Variants in RPA1 observed in about 807,000 individuals in gnomAD.
The protein encoded by RPA1 is replication protein A1.
RPA1 carries 49 observed loss-of-function variants against 83.0 expected under a neutral mutation model. The observed-to-expected ratio is 0.59, with a 90% CI of 0.47 to 0.75. The LOEUF is 0.75. Ranked by LOEUF, RPA1 falls within the 30% of genes least tolerant of loss-of-function variation. The pLI is 0.00. For synonymous variants in RPA1, 279 were observed against 281.8 expected (o/e 0.99, Z 0.10); for missense variants, 693 against 776.1 (o/e 0.89, Z 1.27).
chr17:1,843,368 C>G (rs112329961), intron 2 of RPA1, among the ~76,000 whole-genome samples: 13 of 151,818 alleles, frequency 8.6e-5, no homozygotes, highest in Admixed American at 6.6e-4. Context: ...CGCCGTGGGT[C>G]AGCTTGGGGC....
intron 5 of RPA1, among the ~76,000 whole-genome samples, chr17:1,871,330 G>A (rs888822844): frequency 3.3e-5 from 5 of 152,058 alleles, no homozygotes; most frequent in African/African-American, 1.2e-4. Flanking sequence ...ATTTAGTTGT[G>A]CCAGTTAAGA....
At chr17:1,865,576 C>A (rs917921326) in intron 5 of RPA1, among the ~76,000 whole-genome samples, 2 of 151,976 alleles carry the variant, frequency 1.3e-5, no homozygotes, top group East Asian at 3.9e-4. Context: ...TTATAGCTAC[C>A]GAATTGTGTG....
At chr17:1,851,568 T>G (rs778680404) in intron 4 of RPA1, among the ~76,000 whole-genome samples, 4 of 152,238 alleles carry the variant, frequency 2.6e-5, no homozygotes, top group South Asian at 4.1e-4. Context: ...GCTGCTAGGT[T>G]CATCTTGCTG....
intron 15 of RPA1, among the ~76,000 whole-genome samples, chr17:1,893,826 C>T (rs983034463): frequency 3.9e-5 from 6 of 151,922 alleles, no homozygotes; most frequent in African/African-American, 1.2e-4. Context: ...GCTGAAATCA[C>T]GAATTATATT....
At position 1,898,063 on chromosome 17, in the gene RPA1, G is replaced by T. The variant is rs1914512516; in HGVS notation, c.*888G>T. On this transcript the variant is annotated 3_prime_UTR_variant, in exon 17 of 17. Coordinates refer to ENST00000254719, the MANE Select transcript of RPA1 (RefSeq NM_002945.5). ...TGTTTTAATAAACAGTATATTCTTT[G>T]GTTGTGAATCCTACTTTCTTTGAAT... The T allele has an allele frequency of 6.6e-6, 1 of 152,034 alleles. No individual in the cohort carries two copies. The highest frequency in any genetic ancestry group is 1.5e-5 in the Non-Finnish European group (1 of 67,998). The allele number at this position is 152,034 out of a possible 1,614,324, so 9.4% of individuals were successfully genotyped here. A position where few individuals can be genotyped will look rare whatever the true frequency, so the allele number is the denominator to read the frequency against.
rs1241443155 is a variant in RPA1 at position 1,884,173 on chromosome 17, T to C, written c.1374+229T>C. On this transcript the variant is annotated intron_variant, in intron 13 of 16. Transcript: ENST00000254719. The surrounding 1 kb of genome is among the most constrained non-coding windows in gnomAD (Gnocchi z 4.1). ...CTGGAGGCAGGAGAGTCTGAAGAAC[T>C]CTTAGAGTCAATTCCTAGAGGGATC... Among the ~76,000 whole-genome samples the C allele has an allele frequency of 6.6e-6, 1 of 152,166 alleles. No individual in the cohort carries two copies. Among genetic ancestry groups the C allele is most frequent in the Non-Finnish European group, 1.5e-5 (1 of 68,030 alleles).
chr17:1,896,594 A>C (rs1440708948), intron 16 of RPA1, among the ~76,000 whole-genome samples: 2 of 152,148 alleles, frequency 1.3e-5, no homozygotes, highest in African/African-American at 4.8e-5. Context: ...GGTGAAGTGA[A>C]GAGAGGCTGC....
At chr17:1,830,791 C>G (rs1220792133) in intron 1 of RPA1, among the ~76,000 whole-genome samples, 1 of 150,798 alleles carries the variant, frequency 6.6e-6, no homozygotes, top group African/African-American at 2.4e-5. Context: ...CCAGCCTGGG[C>G]GACACTCACT....
chr17:1,892,068 G>A (rs17339187), intron 15 of RPA1, 128 bp downstream of exon 15: 215 of 488,812 alleles, frequency 4.4e-4, no homozygotes, highest in African/African-American at 3.2e-3. Context: ...GTGCAGTGGC[G>A]CGATCTCAGC....
chr17:1,893,677 CTTTTTT>C (rs879431576), intron 15 of RPA1, among the ~76,000 whole-genome samples: 20 of 143,870 alleles, frequency 1.4e-4, no homozygotes, highest in Admixed American at 4.9e-4. Context: ...GTTTACCAGA[CTTTTTT>C]TTTTTTAATA....
intron 15 of RPA1, among the ~76,000 whole-genome samples, chr17:1,893,559 A>G (rs149032976): frequency 7.2e-4 from 110 of 152,238 alleles, no homozygotes; most frequent in Non-Finnish European, 1.3e-3. Flanking sequence ...TGAACTATTA[A>G]TTAGTTTTTC....
intron 5 of RPA1, among the ~76,000 whole-genome samples, chr17:1,862,931 TA>T (rs1913039270): frequency 2.0e-5 from 3 of 151,764 alleles, no homozygotes; most frequent in African/African-American, 7.3e-5. Context: ...TTGGCCAGGC[TA>T]GTCTCGAACT....
chr17:1,874,008 AAAAAAT>A (rs1160765969), intron 6 of RPA1, among the ~76,000 whole-genome samples: 404 of 102,276 alleles, frequency 4.0e-3, no homozygotes, highest in Middle Eastern at 4.5e-3. Flanking sequence ...AAAAAAAAAA[AAAAAAT>A]ATATATATAT....
chr17:1,890,095 C>T (rs561530053), intron 14 of RPA1, among the ~76,000 whole-genome samples: 7 of 152,132 alleles, frequency 4.6e-5, no homozygotes, highest in South Asian at 2.1e-4. Flanking sequence ...ATTGGCCAGG[C>T]GCAGTGACTT....
chr17:1,863,414 C>T (rs985933991), intron 5 of RPA1, among the ~76,000 whole-genome samples: 7 of 151,372 alleles, frequency 4.6e-5, no homozygotes, highest in African/African-American at 1.2e-4. Context: ...CGTTTCACCA[C>T]GTTGGCCAGG....
chr17:1,832,226 C>T (rs751572721), intron 1 of RPA1, among the ~76,000 whole-genome samples: 57 of 151,806 alleles, frequency 3.8e-4, no homozygotes, highest in Middle Eastern at 3.4e-3. Context: ...CCACCGCACC[C>T]GGCCCTGAAC....
chr17:1,865,019 C>A (rs191004787), intron 5 of RPA1, among the ~76,000 whole-genome samples: 1 of 152,308 alleles, frequency 6.6e-6, no homozygotes, highest in Non-Finnish European at 1.5e-5. Context: ...GGAACTGAGT[C>A]CTGGCCTTTG....
At chr17:1,877,340 G>A (rs768518718) in intron 8 of RPA1, 26 bp downstream of exon 8, 2 of 1,601,950 alleles carry the variant, frequency 1.2e-6, no homozygotes, top group Non-Finnish European at 1.7e-6. Context: ...GCTGGGGAGT[G>A]AGGGCAGTGG....
At chr17:1,896,769 G>A (rs1914447576) in intron 16 of RPA1, among the ~76,000 whole-genome samples, 1 of 152,218 alleles carries the variant, frequency 6.6e-6, no homozygotes. Flanking sequence ...TGTATCCCCT[G>A]CAGTAGGGAG....
Sources: gnomAD v4.1 joint callset for allele counts (sites outside exome capture counted in the v4.1 genomes callset) on GRCh38, gnomAD v4.1.1 for gene constraint, Gnocchi (gnomAD v3.1) non-coding constraint, MANE v1.5 for transcripts, NCBI Gene and HGNC (gene_info 2026-07-23, HGNC 2026-07-21) for gene names.